SPAG16: variants seen among roughly 807,000 people sequenced by gnomAD.
SPAG16 encodes sperm-associated antigen 16 protein.
A neutral mutation model predicts 80.4 loss-of-function variants in SPAG16; 86 were observed. The ratio of observed to expected loss-of-function variants is 1.07; its 90% CI spans 0.90 to 1.28. The LOEUF is 1.28. Among genes scored for constraint, SPAG16 ranks in the 50% most tolerant of loss-of-function variants. The pLI, the probability that SPAG16 is intolerant of heterozygous loss-of-function variation, is 0.00. For synonymous variants in SPAG16, 294 were observed against 265.9 expected (o/e 1.11, Z -1.03); for missense variants, 870 against 765.3 (o/e 1.14, Z -1.61).
intron 10 of SPAG16, among the ~76,000 whole-genome samples, chr2:213,506,757 G>T (rs1233706464): frequency 6.6e-6 from 1 of 152,142 alleles, no homozygotes; most frequent in African/African-American, 2.4e-5. Context: ...GAAATTATTG[G>T]ATTAATTAAT....
chr2:213,878,210 C>T (rs184780010), intron 11 of SPAG16, among the ~76,000 whole-genome samples: 9 of 152,018 alleles, frequency 5.9e-5, no homozygotes, highest in East Asian at 3.9e-4. Flanking sequence ...GTGAGATTGC[C>T]GGATTGAATG....
chr2:214,093,260 A>G (rs139194956), intron 13 of SPAG16, among the ~76,000 whole-genome samples: 1 of 152,032 alleles, frequency 6.6e-6, no homozygotes, highest in South Asian at 2.1e-4. Flanking sequence ...TTTCTCTTCA[A>G]CAGTGATATA....
intron 10 of SPAG16, among the ~76,000 whole-genome samples, chr2:213,683,866 A>G (rs371530299): frequency 5.3e-4 from 80 of 152,336 alleles, no homozygotes; most frequent in African/African-American, 1.9e-3. Flanking sequence ...TTTTCTTACA[A>G]TTGAACAAAT....
chr2:213,701,428 C>G (rs893854885), intron 10 of SPAG16, among the ~76,000 whole-genome samples: 4 of 152,156 alleles, frequency 2.6e-5, no homozygotes, highest in African/African-American at 4.8e-5. Context: ...CTCTTGGCGC[C>G]TCCTCGGTCT....
chr2:214,165,989 TCA>T (rs1172623467), intron 15 of SPAG16, among the ~76,000 whole-genome samples: 1 of 151,936 alleles, frequency 6.6e-6, no homozygotes, highest in Non-Finnish European at 1.5e-5. Flanking sequence ...GAAAAGATAA[TCA>T]CTGAAGATTA....
At chr2:214,368,781 A>G (rs1269511930) in intron 15 of SPAG16, among the ~76,000 whole-genome samples, 1 of 152,158 alleles carries the variant, frequency 6.6e-6, no homozygotes, top group Admixed American at 6.5e-5. Context: ...TTAGAAACTA[A>G]TTCACATAAT....
chr2:213,753,946 T>C (rs2662648), intron 10 of SPAG16, among the ~76,000 whole-genome samples: 59,541 of 152,102 alleles, frequency 0.39, 12,496 homozygotes, highest in East Asian at 0.61. Flanking sequence ...ATAATTCCAG[T>C]TGCATGTTCA....
intron 10 of SPAG16, among the ~76,000 whole-genome samples, chr2:213,525,495 G>A (rs890778859): frequency 6.6e-6 from 1 of 151,716 alleles, no homozygotes; most frequent in Non-Finnish European, 1.5e-5. Flanking sequence ...CACCATATTA[G>A]CAAGGCTGGT....
chr2:213,344,828 C>T lies in SPAG16; in HGVS notation c.644+4558C>T, dbSNP rs969311001. On this transcript the variant is annotated intron_variant, in intron 6 of 15. Coordinates refer to ENST00000331683, the MANE Select transcript of SPAG16 (RefSeq NM_024532.5). ...AAGTCTTTGCTATTGTGAATAGTGC[C>T]GCAATAAACATAACGTGTGCATGTG... 7.2e-5 allele frequency among the ~76,000 whole-genome samples: 11 copies of T among 151,982 alleles called. No homozygotes were observed. In the East Asian group the frequency reaches 9.7e-4, roughly 13 times the overall value.
intron 15 of SPAG16, among the ~76,000 whole-genome samples, chr2:214,230,887 T>A (rs751093214): frequency 1.3e-5 from 2 of 151,966 alleles, no homozygotes; most frequent in Non-Finnish European, 2.9e-5. Context: ...GAAAACAAGA[T>A]GGGCCAAACA....
intron 13 of SPAG16, among the ~76,000 whole-genome samples, chr2:214,085,527 AC>A (rs2051681516): frequency 6.6e-6 from 1 of 152,244 alleles, no homozygotes; most frequent in East Asian, 1.9e-4. Context: ...AAAATACAAA[AC>A]TTTGATTATA....
chr2:214,157,975 C>G lies in SPAG16; in HGVS notation c.1720+8709C>G, dbSNP rs563743560. Among the ~76,000 whole-genome samples, 10 of 152,098 alleles carry G rather than the reference C, an allele frequency of 6.6e-5. No individual in the cohort carries two copies. The East Asian group carries it at 1.7e-3, about 26-fold the overall frequency. On this transcript the variant is annotated intron_variant, in intron 15 of 15. Transcript: ENST00000331683. ...TGAGTCTAGACTGAATTTTCAGAAA[C>G]ATCGAGAAATTATTCATGTCTCCAT...
chr2:213,517,455 G>A (rs1157329395), intron 10 of SPAG16, among the ~76,000 whole-genome samples: 1 of 152,080 alleles, frequency 6.6e-6, no homozygotes, highest in African/African-American at 2.4e-5. Flanking sequence ...AGTAGAAAAA[G>A]CTATCCTAAA....
intron 15 of SPAG16, among the ~76,000 whole-genome samples, chr2:214,395,667 C>T (rs1429782313): frequency 6.6e-6 from 1 of 151,948 alleles, no homozygotes; most frequent in African/African-American, 2.4e-5. Flanking sequence ...TTTTCTGATC[C>T]TCTTCCTCCT....
At position 214,167,418 on chromosome 2, in the gene SPAG16, G is replaced by A. The variant is rs115454193; in HGVS notation, c.1720+18152G>A. ...CATTCACTGTGGGGAGTGTTAGGAT[G>A]CCCATGAGCCAACAAATTTGTGTTA... On this transcript the variant is annotated intron_variant, in intron 15 of 15. Transcript: ENST00000331683. 7.8e-3 allele frequency among the ~76,000 whole-genome samples: 1,192 copies of A among 152,162 alleles called. 12 individuals carry two copies. Among genetic ancestry groups the A allele is most frequent in the Non-Finnish European group, 0.013 (900 of 67,998 alleles).
chr2:213,593,751 T>C (rs1447814542), intron 10 of SPAG16, among the ~76,000 whole-genome samples: 2 of 43,596 alleles, frequency 4.6e-5, no homozygotes, highest in African/African-American at 3.0e-4. Flanking sequence ...CACATCTTTT[T>C]TTTTTTTTTT....
intron 13 of SPAG16, among the ~76,000 whole-genome samples, chr2:214,074,116 A>G (rs1336046703): frequency 1.3e-5 from 2 of 152,180 alleles, no homozygotes; most frequent in Admixed American, 6.6e-5. Context: ...ACTCTCTGCT[A>G]TGTGAGAATA....
chr2:214,086,083 T>C (rs2051724012), intron 13 of SPAG16, among the ~76,000 whole-genome samples: 1 of 152,232 alleles, frequency 6.6e-6, no homozygotes, highest in South Asian at 2.1e-4. Context: ...ACATTGTACT[T>C]TTTATATGTG....
intron 15 of SPAG16, among the ~76,000 whole-genome samples, chr2:214,300,601 T>C (rs976480629): frequency 6.6e-6 from 1 of 152,140 alleles, no homozygotes; most frequent in Non-Finnish European, 1.5e-5. Flanking sequence ...TAGTCACAGA[T>C]AAAGGCATAA....
Sources: allele counts gnomAD v4.1 joint callset (sites outside exome capture counted in the v4.1 genomes callset), GRCh38; gene constraint gnomAD v4.1.1; transcripts MANE v1.5; gene names NCBI Gene and HGNC (gene_info 2026-07-23, HGNC 2026-07-21).